The following PAQR5 variants were observed in gnomAD, a reference collection of about 807,000 sequenced individuals.
PAQR5 encodes the protein progestin and adipoQ receptor family member 5.
Under a neutral mutation model 34.5 loss-of-function variants are expected in PAQR5, and 20 were observed. The ratio of observed to expected loss-of-function variants is 0.58; its 90% confidence interval spans 0.41 to 0.84. The LOEUF (loss-of-function observed/expected upper bound fraction) is 0.84. Among genes scored for constraint, PAQR5 ranks in the 40% least tolerant of loss-of-function variants. The probability of loss-of-function intolerance (pLI) is 0.00; values close to 1 mark genes in which losing one functional copy is unlikely to be tolerated. For missense variants in PAQR5, 378 were observed against 412.7 expected (o/e 0.92, Z 0.73); for synonymous variants, 131 against 155.6 (o/e 0.84, Z 1.18).
At chr15:69,347,346 T>C (rs1323926613) in intron 2 of PAQR5, among the ~76,000 whole-genome samples, 2 of 152,228 alleles carry the variant, frequency 1.3e-5, no homozygotes, top group Admixed American at 1.3e-4. Context: ...TAAACGTCAT[T>C]ATAAACATTC....
chr15:69,357,197 C>T (rs899852028), intron 2 of PAQR5, among the ~76,000 whole-genome samples: 13 of 152,120 alleles, frequency 8.5e-5, no homozygotes, highest in Non-Finnish European at 1.3e-4. Flanking sequence ...TCCTGTCCAG[C>T]CTGCAGAACT....
intron 2 of PAQR5, among the ~76,000 whole-genome samples, chr15:69,339,896 T>G (rs1375031126): frequency 1.3e-5 from 2 of 152,192 alleles, no homozygotes; most frequent in Non-Finnish European, 2.9e-5. Flanking sequence ...GACGGAGTTT[T>G]GCTCTTGTTG....
At chr15:69,315,976 C>A (rs1251302461) in intron 1 of PAQR5, among the ~76,000 whole-genome samples, 1 of 152,192 alleles carries the variant, frequency 6.6e-6, no homozygotes, top group Non-Finnish European at 1.5e-5. Flanking sequence ...GGCAGTGAAG[C>A]CTCGGGGAAG....
chr15:69,390,431 C>G (rs562972632), intron 6 of PAQR5, among the ~76,000 whole-genome samples: 12 of 150,282 alleles, frequency 8.0e-5, no homozygotes, highest in Admixed American at 4.7e-4. Flanking sequence ...CTCACTGTAG[C>G]CTCGCCTTCC....
chr15:69,396,193 T>C (rs1441048088), intron 6 of PAQR5, among the ~76,000 whole-genome samples: 1 of 149,160 alleles, frequency 6.7e-6, no homozygotes, highest in Non-Finnish European at 1.5e-5. Flanking sequence ...GGGTTTATGG[T>C]CAGGTGGCTT....
At chr15:69,377,745 G>A (rs1463092783) in intron 3 of PAQR5, among the ~76,000 whole-genome samples, 1 of 151,914 alleles carries the variant, frequency 6.6e-6, no homozygotes, top group Non-Finnish European at 1.5e-5. Flanking sequence ...AGGCCACATG[G>A]CACCTCGGGG....
intron 1 of PAQR5, among the ~76,000 whole-genome samples, chr15:69,307,534 G>T (rs1159710125): frequency 6.6e-6 from 1 of 152,184 alleles, no homozygotes; most frequent in African/African-American, 2.4e-5. Context: ...TCGTGCCTGG[G>T]GCTGGAGATG....
intron 4 of PAQR5, chr15:69,382,710 G>GTATA (rs2055931245): frequency 8.7e-6 from 1 of 114,570 alleles, no homozygotes; most frequent in Non-Finnish European, 1.8e-5. Flanking sequence ...ATATATGTAT[G>GTATA]TATGTATATA....
At chr15:69,345,488 C>A (rs2054746236) in intron 2 of PAQR5, among the ~76,000 whole-genome samples, 1 of 152,068 alleles carries the variant, frequency 6.6e-6, no homozygotes, top group African/African-American at 2.4e-5. Flanking sequence ...GGACCCCTAG[C>A]CTGAGAGGAA....
Position 69,400,100 on chromosome 15 carries a change from C to T in PAQR5, c.736C>T (p.Arg246Cys), listed in dbSNP as rs141349230. The T allele has an allele frequency of 1.0e-4, 164 of 1,613,314 alleles. 1 individual carries two copies. The South Asian group carries it at 1.1e-3, about 11-fold the overall frequency. The change falls in exon 8 of 9, where the codon CGC becomes TGC. Residue 246 changes from arginine to cysteine, a missense_variant. By Grantham distance (180) the Arg-to-Cys change is radical. Transcript: ENST00000395407. ...TCTGCCAGAACGCCTAGCCCCTGGA[C>T]GCTTTGACTACATCGGTGAGTGGGC... ...AHLPERLAPGRFDYIGHSHQL... is the reference protein window; with the variant it reads ...AHLPERLAPGCFDYIGHSHQL...
chr15:69,328,085 C>T (rs1567001230), intron 1 of PAQR5, among the ~76,000 whole-genome samples: 1 of 152,148 alleles, frequency 6.6e-6, no homozygotes, highest in African/African-American at 2.4e-5. Context: ...CCAGCCAAGT[C>T]TCTTCTTCTA....
chr15:69,321,434 C>T (rs183389150), intron 1 of PAQR5, among the ~76,000 whole-genome samples: 2 of 152,098 alleles, frequency 1.3e-5, no homozygotes, highest in Non-Finnish European at 2.9e-5. Context: ...GACGTCATAT[C>T]GTTTTATCTG....
At chr15:69,394,693 A>C (rs910167570) in intron 6 of PAQR5, among the ~76,000 whole-genome samples, 1 of 152,118 alleles carries the variant, frequency 6.6e-6, no homozygotes, top group African/African-American at 2.4e-5. Flanking sequence ...CTGGTGCGGG[A>C]CTGCCCTAAG....
chr15:69,377,414 A>G (rs1295421433), intron 3 of PAQR5, among the ~76,000 whole-genome samples: 1 of 152,232 alleles, frequency 6.6e-6, no homozygotes. Context: ...TGCCCGTTAC[A>G]GGAATCTGTC....
At chr15:69,322,838 G>GAA (rs1566998269) in intron 1 of PAQR5, among the ~76,000 whole-genome samples, 207 of 19,406 alleles carry the variant, frequency 0.011, 33 homozygotes, top group African/African-American at 0.038. Context: ...AAGAAGAAGA[G>GAA]GAAGAAGAAG....
intron 1 of PAQR5, among the ~76,000 whole-genome samples, chr15:69,328,871 TC>T (rs1275224480): frequency 6.6e-6 from 1 of 152,202 alleles, no homozygotes; most frequent in East Asian, 1.9e-4. Context: ...GAGCCGCTTC[TC>T]CCTGGATCAC....
rs754208010 is a variant in PAQR5, at chr15:69,384,720, A to G, written c.223A>G (p.Ile75Val). 1 of 1,614,120 alleles carries G rather than the reference A, an allele frequency of 6.2e-7. No individual in the cohort carries two copies. Among genetic ancestry groups the G allele is most frequent in the Middle Eastern group, 1.6e-4 (1 of 6,062 alleles). ...TGTGACTGCACTGTATATGACAGACATCAAGAATGACAGCTACTCCTGGCC... is the reference window on the plus strand; with the variant it reads ...TGTGACTGCACTGTATATGACAGACGTCAAGAATGACAGCTACTCCTGGCC... ...RFVTALYMTD[I>V]KNDSYSWPML... The change falls in exon 5 of 9, where the codon ATC (isoleucine) becomes GTC (valine). Residue 75 changes from isoleucine (I) to valine (V), a missense_variant. Ile to Val is a conservative substitution (Grantham distance 29). Coordinates refer to ENST00000395407, the MANE Select transcript of PAQR5 (RefSeq NM_017705.4).
intron 2 of PAQR5, among the ~76,000 whole-genome samples, chr15:69,354,440 T>A (rs1188968996): frequency 6.6e-6 from 1 of 152,226 alleles, no homozygotes; most frequent in Non-Finnish European, 1.5e-5. Context: ...ATTAATGTTA[T>A]ATCATACTAT....
At chr15:69,360,237 A>G (rs2055197488) in intron 3 of PAQR5, 106 bp downstream of exon 3, 1 of 751,366 alleles carries the variant, frequency 1.3e-6, no homozygotes. Flanking sequence ...GTACAGGCCC[A>G]TTCCCTTCAA....
Sources: gnomAD v4.1 joint callset for allele counts (sites outside exome capture counted in the v4.1 genomes callset) on GRCh38, gnomAD v4.1.1 for gene constraint, MANE v1.5 for transcripts, NCBI Gene and HGNC (gene_info 2026-07-23, HGNC 2026-07-21) for gene names.